TLN2: variants seen among roughly 807,000 people sequenced by gnomAD.
TLN2 encodes talin-2.
TLN2 carries 118 observed loss-of-function variants against 294.7 expected under a neutral mutation model. The observed-to-expected ratio is 0.40, with a 90% CI of 0.34 to 0.47. TLN2 has a LOEUF of 0.47. TLN2 is among the 20% of genes least tolerant of loss of function. The probability of loss-of-function intolerance (pLI) is 0.84; values close to 1 mark genes in which losing one functional copy is unlikely to be tolerated. For synonymous variants in TLN2, 1,431 were observed against 1,304.5 expected, an observed-to-expected ratio of 1.10 and a Z score of -2.09; for missense variants, 3,083 against 3,282.2, an observed-to-expected ratio of 0.94 and a Z score of 1.48.
Position 62,768,013 on chromosome 15 carries a change from A to G in TLN2, c.5196+1591A>G, listed in dbSNP as rs148207209. 3.1e-3 allele frequency among the ~76,000 whole-genome samples: 467 copies of G among 152,286 alleles called. 1 individual carries two copies. The highest frequency in any genetic ancestry group is 0.011 in the African/African-American group (450 of 41,540). Reference sequence around the variant, plus strand: ...TGGGCTAATCCATCTCTTACCTTCTAAAAGAGAATTTTGGACAGAGGCAGT... The same window carrying G: ...TGGGCTAATCCATCTCTTACCTTCTGAAAGAGAATTTTGGACAGAGGCAGT... On this transcript the variant is annotated intron_variant, in intron 41 of 58. Transcript: ENST00000636159.
chr15:62,654,479 C>T (rs2052961314), intron 7 of TLN2, among the ~76,000 whole-genome samples: 1 of 151,950 alleles, frequency 6.6e-6, no homozygotes, highest in East Asian at 1.9e-4. Context: ...GTTGGTTGCA[C>T]GTGGTGGCTC....
At chr15:62,501,542 T>G (rs2140430356) in intron 1 of TLN2, among the ~76,000 whole-genome samples, 1 of 152,322 alleles carries the variant, frequency 6.6e-6, no homozygotes, top group East Asian at 1.9e-4. Flanking sequence ...AATTCCTGGT[T>G]AGGGCTTTTC....
Position 62,398,917 on chromosome 15 carries a change from G to A in TLN2, c.-238+8232G>A, listed in dbSNP as rs140758663. On this transcript the variant is annotated intron_variant, in intron 1 of 58. Transcript: ENST00000636159. ...TGCATAAGTAACCAGAGACCTTTGC[G>A]GCAGCCCCTCCCATCTCAGGCCCGG... is the stretch of plus-strand genomic sequence containing the variant. Among the ~76,000 whole-genome samples, 329 of 152,184 alleles carry A rather than the reference G, an allele frequency of 2.2e-3. 1 individual carries two copies. The highest frequency in any genetic ancestry group is 7.7e-3 in the African/African-American group (318 of 41,518).
chr15:62,606,121 GC>G (rs1197592766), intron 2 of TLN2, among the ~76,000 whole-genome samples: 1 of 151,866 alleles, frequency 6.6e-6, no homozygotes, highest in Non-Finnish European at 1.5e-5. Flanking sequence ...TCACTCTGTC[GC>G]CCAGGCTGGA....
intron 1 of TLN2, among the ~76,000 whole-genome samples, chr15:62,504,954 T>C (rs2039523386): frequency 6.6e-6 from 1 of 151,670 alleles, no homozygotes; most frequent in African/African-American, 2.4e-5. Context: ...AACATGTTTT[T>C]GTTGTTGTTG....
intron 1 of TLN2, among the ~76,000 whole-genome samples, chr15:62,501,642 A>G (rs764413001): frequency 2.0e-5 from 3 of 152,236 alleles, no homozygotes; most frequent in Non-Finnish European, 4.4e-5. Flanking sequence ...TTTTTTGGAA[A>G]GGAATAGTCA....
chr15:62,585,697 G>GT (rs1444320909), intron 1 of TLN2, among the ~76,000 whole-genome samples: 1 of 152,214 alleles, frequency 6.6e-6, no homozygotes, highest in East Asian at 1.9e-4. Context: ...TTTAAAGCAA[G>GT]TTTACTTTAA....
intron 1 of TLN2, among the ~76,000 whole-genome samples, chr15:62,473,490 T>G: frequency 6.6e-6 from 1 of 152,224 alleles, no homozygotes; most frequent in South Asian, 2.1e-4. Flanking sequence ...TCTCAACTTT[T>G]AACTGATCTT....
rs2063003480 is a variant in TLN2, at chr15:62,766,352, A to G, written c.5126A>G (p.Gln1709Arg). 1 of 1,613,228 alleles carries G rather than the reference A, an allele frequency of 6.2e-7. No homozygotes were observed. The highest frequency in any genetic ancestry group is 1.3e-5 in the African/African-American group (1 of 74,918). ...CAGGAGCAGCTGACTTCGGTGGTCC[A>G]GGAAATCGGACACCTTATCGATCCC... is the stretch of plus-strand genomic sequence containing the variant. ...ALQEQLTSVV[Q>R]EIGHLIDPIA... Residue 1709 changes from glutamine (Q) to arginine (R), a missense_variant, in exon 41 of 59, where the codon CAG becomes CGG. Physicochemically the swap from Gln to Arg is conservative, Grantham distance 43 (BLOSUM62 1). Transcript: ENST00000636159.
chr15:62,826,827 A>G (rs563157646), intron 54 of TLN2, among the ~76,000 whole-genome samples: 12 of 152,292 alleles, frequency 7.9e-5, no homozygotes, highest in African/African-American at 2.9e-4. Context: ...TTTTCCCTCA[A>G]GGACATTTAA....
intron 1 of TLN2, among the ~76,000 whole-genome samples, chr15:62,508,217 A>T (rs1361175807): frequency 2.0e-5 from 3 of 151,248 alleles, no homozygotes; most frequent in Admixed American, 6.6e-5. Context: ...AAATTATTTT[A>T]TTTATTTATT....
At chr15:62,404,744 T>C (rs764597905) in intron 1 of TLN2, among the ~76,000 whole-genome samples, 2 of 152,154 alleles carry the variant, frequency 1.3e-5, no homozygotes, top group Non-Finnish European at 2.9e-5. Flanking sequence ...GGAGATTACA[T>C]GGAGAGTACT....
chr15:62,527,884 T>C (rs2040825241), intron 1 of TLN2, among the ~76,000 whole-genome samples: 1 of 152,228 alleles, frequency 6.6e-6, no homozygotes, highest in South Asian at 2.1e-4. Context: ...CTAACCATTA[T>C]GATAGATTTC....
At chr15:62,395,596 T>A (rs1029731649) in intron 1 of TLN2, among the ~76,000 whole-genome samples, 2 of 152,134 alleles carry the variant, frequency 1.3e-5, no homozygotes, top group African/African-American at 4.8e-5. Flanking sequence ...CAGCCTTGTT[T>A]TACATTAGGA....
chr15:62,764,786 G>A (rs2062889228), intron 40 of TLN2, among the ~76,000 whole-genome samples: 1 of 151,942 alleles, frequency 6.6e-6, no homozygotes, highest in African/African-American at 2.4e-5. Context: ...GGCCAACATG[G>A]TGAAATCCCA....
At position 62,576,189 on chromosome 15, in the gene TLN2, T is replaced by C. The variant is rs2044376597; in HGVS notation, c.-237-13498T>C. Among the ~76,000 whole-genome samples the C allele has an allele frequency of 2.0e-5, 3 of 152,252 alleles. No homozygotes were observed. In the South Asian group the frequency reaches 6.2e-4, roughly 32 times the overall value. On this transcript the variant is annotated intron_variant, in intron 1 of 58. Transcript: ENST00000636159. Reference sequence around the variant, plus strand: ...AATTCAAAAACGAAGTCTGAGTTAATTTTTTTGTTTTAAAGTTGTGCTCGA... The same window carrying C: ...AATTCAAAAACGAAGTCTGAGTTAACTTTTTTGTTTTAAAGTTGTGCTCGA...
At chr15:62,512,472 A>G (rs2039981692) in intron 1 of TLN2, among the ~76,000 whole-genome samples, 2 of 152,152 alleles carry the variant, frequency 1.3e-5, no homozygotes, top group South Asian at 4.1e-4. Flanking sequence ...AGAAACTTAA[A>G]TTGCTGTAGA....
At chr15:62,418,573 C>A in intron 1 of TLN2, among the ~76,000 whole-genome samples, 1 of 152,166 alleles carries the variant, frequency 6.6e-6, no homozygotes, top group Non-Finnish European at 1.5e-5. Flanking sequence ...ATGAAGAGAA[C>A]ACCAAACAGG....
chr15:62,532,385 C>CCGTACCTGGCCAGTATGTTTTAAAGT (rs2041094598), intron 1 of TLN2, among the ~76,000 whole-genome samples: 2 of 152,150 alleles, frequency 1.3e-5, no homozygotes, highest in Admixed American at 1.3e-4. Flanking sequence ...GTGTGAGCCA[C>CCGTACCTGGCCAGTATGTTTTAAAGT]TGCATCCAGC....
Sources: allele counts gnomAD v4.1 joint callset (sites outside exome capture counted in the v4.1 genomes callset), GRCh38; gene constraint gnomAD v4.1.1; transcripts MANE v1.5; gene names NCBI Gene and HGNC (gene_info 2026-07-23, HGNC 2026-07-21).